Variants in SFXN5 observed in about 807,000 individuals in gnomAD.
SFXN5 encodes the protein sideroflexin-5.
SFXN5 carries 43 observed loss-of-function variants against 50.2 expected under a neutral mutation model. That is an observed-to-expected ratio of 0.86 (90% confidence interval 0.67 to 1.11). SFXN5 has a LOEUF of 1.11. Ranked by LOEUF, SFXN5 falls within the 50% of genes least tolerant of loss-of-function variation. The pLI, the probability that SFXN5 is intolerant of heterozygous loss-of-function variation, is 0.00. For missense variants in SFXN5, 463 were observed against 454.1 expected, an observed-to-expected ratio of 1.02 and a Z score of -0.18; for synonymous variants, 203 against 185.8, an observed-to-expected ratio of 1.09 and a Z score of -0.75.
chr2:73,034,483 G>A (rs1005746735), intron 3 of SFXN5, among the ~76,000 whole-genome samples: 1 of 152,190 alleles, frequency 6.6e-6, no homozygotes, highest in Non-Finnish European at 1.5e-5. Context: ...AGGATCTCTT[G>A]CATCCCAGCA....
chr2:72,989,875 G>A (rs777880607), intron 9 of SFXN5, among the ~76,000 whole-genome samples: 1 of 152,250 alleles, frequency 6.6e-6, no homozygotes, highest in African/African-American at 2.4e-5. Context: ...AGCGTGGGAG[G>A]AGCCGTGGCA....
intron 10 of SFXN5, 103 bp from the exon 11 acceptor site, chr2:72,971,788 G>T: frequency 2.4e-6 from 2 of 844,080 alleles, no homozygotes; most frequent in Non-Finnish European, 3.9e-6. Context: ...GGGGTTCTGT[G>T]TTCAAATGCA....
In SFXN5 at chr2:72,950,682, C is replaced by G. The variant is rs1051109488; in HGVS notation, c.946-5583G>C. Among the ~76,000 whole-genome samples, 1 of 152,260 alleles carries G rather than the reference C, an allele frequency of 6.6e-6. No homozygotes were observed. The highest frequency in any genetic ancestry group is 2.1e-4 in the South Asian group (1 of 4,832). ...CAAGTTTTCTCCAAGGGAACCACAT[C>G]TAGGGCCTTGCCTGGCAGTGGCCTC... On this transcript the variant is annotated intron_variant, in intron 13 of 13. Transcript: ENST00000272433. The surrounding 1 kb of genome is among the most constrained non-coding windows in gnomAD (Gnocchi z 4.2).
intron 12 of SFXN5, among the ~76,000 whole-genome samples, chr2:72,962,560 A>T (rs569632239): frequency 3.7e-4 from 57 of 152,292 alleles, no homozygotes; most frequent in African/African-American, 1.3e-3. Flanking sequence ...GTGCATTTTA[A>T]CCCTCCATGA....
At chr2:73,061,143 C>A (rs1263857412) in intron 1 of SFXN5, among the ~76,000 whole-genome samples, 1 of 151,806 alleles carries the variant, frequency 6.6e-6, no homozygotes, top group African/African-American at 2.4e-5. Context: ...TGGTGAAACC[C>A]CGTCCATACT....
intron 13 of SFXN5, among the ~76,000 whole-genome samples, chr2:72,946,667 T>C (rs1671967293): frequency 6.6e-6 from 1 of 151,986 alleles, no homozygotes; most frequent in Admixed American, 6.6e-5. Context: ...CAGCTCTCCA[T>C]CTCGGGAATG....
At chr2:72,971,980 C>A (rs577363672) in intron 10 of SFXN5, among the ~76,000 whole-genome samples, 1 of 152,238 alleles carries the variant, frequency 6.6e-6, no homozygotes, top group Non-Finnish European at 1.5e-5. Context: ...TCCTCCAGGG[C>A]AAGCCCACTA....
intron 9 of SFXN5, among the ~76,000 whole-genome samples, chr2:72,989,201 G>A (rs924768443): frequency 6.6e-6 from 1 of 151,954 alleles, no homozygotes; most frequent in Non-Finnish European, 1.5e-5. Flanking sequence ...CAGATCCTCC[G>A]TGAGCCTTCC....
Position 72,945,158 on chromosome 2 carries a change from T to C in SFXN5, c.946-59A>G. ...AGTGGGAAGGGGCAAATAGTGGGGC[T>C]GGGAGCTGCAGTGAGGACCACCCTG... On this transcript the variant is annotated intron_variant, in intron 13 of 13. Transcript: ENST00000272433. This position sits in a 1 kb window ranked among gnomAD's most constrained non-coding sequence, Gnocchi z 5.8. 6.6e-7 allele frequency: 1 copy of C among 1,526,164 alleles called. No individual in the cohort carries two copies. Among genetic ancestry groups the C allele is most frequent in the Non-Finnish European group, 9.0e-7 (1 of 1,108,132 alleles). 94.5% of individuals were successfully genotyped at this position (1,526,164 alleles called of 1,614,324 possible). A position where few individuals can be genotyped will look rare whatever the true frequency, so the allele number is the denominator to read the frequency against.
At chr2:72,963,045 T>C (rs1240103451) in intron 12 of SFXN5, among the ~76,000 whole-genome samples, 2 of 151,988 alleles carry the variant, frequency 1.3e-5, no homozygotes, top group African/African-American at 4.8e-5. Flanking sequence ...GAGAGGGCCC[T>C]GAGATGAACT....
At chr2:73,059,299 A>G in intron 1 of SFXN5, 1 of 985,674 alleles carries the variant, frequency 1.0e-6, no homozygotes, top group Non-Finnish European at 1.2e-6. Flanking sequence ...CAGCTGGGCA[A>G]AGCTGAGCTC....
chr2:73,057,885 A>G (rs1419866357), intron 2 of SFXN5, among the ~76,000 whole-genome samples: 1 of 152,132 alleles, frequency 6.6e-6, no homozygotes, highest in African/African-American at 2.4e-5. Flanking sequence ...CCCTTCCACC[A>G]TATCATTTCC....
At position 73,000,567 on chromosome 2, in the gene SFXN5, C is replaced by T. The variant is rs188234508; in HGVS notation, c.412-80G>A. On this transcript the variant is annotated intron_variant, in intron 7 of 13. Transcript: ENST00000272433. ...CAGGCCTGGACCCCAGGAGGCCACA[C>T]ATCCCCAGAAAGGCACAGCATGCGG... 3,218 of 1,379,724 alleles carry T rather than the reference C, an allele frequency of 2.3e-3. 6 individuals are homozygous for T. Among genetic ancestry groups the T allele is most frequent in the Non-Finnish European group, 2.7e-3 (2,657 of 995,664 alleles). 85.5% of individuals were successfully genotyped at this position (1,379,724 alleles called of 1,614,324 possible).
At chr2:73,010,106 A>G (rs1488872620) in intron 6 of SFXN5, among the ~76,000 whole-genome samples, 2 of 152,212 alleles carry the variant, frequency 1.3e-5, no homozygotes, top group Non-Finnish European at 2.9e-5. Flanking sequence ...AATATTTATA[A>G]AAGTTATTAT....
intron 6 of SFXN5, among the ~76,000 whole-genome samples, chr2:73,002,108 T>C (rs1242875942): frequency 3.9e-5 from 6 of 152,256 alleles, no homozygotes; most frequent in Admixed American, 3.9e-4. Context: ...AAGTGCTTTG[T>C]AAATACAAGT....
At chr2:73,047,230 AAAAAAAAAAAAAAAAATATAT>A (rs1680464722) in intron 2 of SFXN5, among the ~76,000 whole-genome samples, 1 of 55,110 alleles carries the variant, frequency 1.8e-5, no homozygotes, top group African/African-American at 9.9e-5. Flanking sequence ...AAAAAAAAAA[AAAAAAAAAAAAAAAAATATAT>A]ATATATATAT....
chr2:73,022,451 G>A (rs1677012449), intron 5 of SFXN5, 71 bp downstream of exon 5: 5 of 1,186,438 alleles, frequency 4.2e-6, no homozygotes, highest in Non-Finnish European at 6.3e-6. Flanking sequence ...AGCACATCTG[G>A]ATGCTCCTGG....
intron 2 of SFXN5, among the ~76,000 whole-genome samples, chr2:73,054,373 G>A (rs904999643): frequency 1.3e-5 from 2 of 152,004 alleles, no homozygotes; most frequent in African/African-American, 4.8e-5. Flanking sequence ...TAAATTAATA[G>A]TTTTTTTTAA....
At chr2:72,970,778 C>T (rs142054832) in intron 11 of SFXN5, among the ~76,000 whole-genome samples, 6 of 151,962 alleles carry the variant, frequency 3.9e-5, no homozygotes, top group Non-Finnish European at 8.8e-5. Flanking sequence ...ACTTCTACCC[C>T]CCGGGTTCAA....
Sources: gnomAD v4.1 joint callset for allele counts (sites outside exome capture counted in the v4.1 genomes callset) on GRCh38, gnomAD v4.1.1 for gene constraint, Gnocchi (gnomAD v3.1) non-coding constraint, MANE v1.5 for transcripts, NCBI Gene and HGNC (gene_info 2026-07-23, HGNC 2026-07-21) for gene names.